EPB41L5: variants seen among roughly 807,000 people sequenced by gnomAD.
The protein encoded by EPB41L5 is band 4.1-like protein 5.
In EPB41L5, 55 loss-of-function variants were observed where a neutral mutation model predicts 106.6. The observed-to-expected ratio is 0.52, with a 90% confidence interval of 0.42 to 0.65. The LOEUF is 0.65. Among genes scored for constraint, EPB41L5 ranks in the 30% least tolerant of loss-of-function variants. The pLI is 0.00. For synonymous variants in EPB41L5, 297 were observed against 306.7 expected, an observed-to-expected ratio of 0.97 and a Z score of 0.33; for missense variants, 871 against 882.1, an observed-to-expected ratio of 0.99 and a Z score of 0.16.
intron 16 of EPB41L5, among the ~76,000 whole-genome samples, chr2:120,120,925 G>T (rs1014662200): frequency 3.3e-5 from 5 of 152,176 alleles, no homozygotes; most frequent in Non-Finnish European, 7.3e-5. Flanking sequence ...AGACCAGCCC[G>T]GCCAACATGG....
rs778387632 is a variant in EPB41L5 at position 120,176,925 on chromosome 2, A to G, written c.*2018A>G. On this transcript the variant is annotated 3_prime_UTR_variant, in exon 25 of 25. Coordinates refer to ENST00000263713, the MANE Select transcript of EPB41L5 (RefSeq NM_020909.4). ...GACCTTTATGTCGTTGGATACCTGT[A>G]TTCTTGACAGTTAGAATATTGGTAG... is the stretch of plus-strand genomic sequence containing the variant. 6.6e-6 allele frequency: 1 copy of G among 152,246 alleles called. No homozygotes were observed. Among genetic ancestry groups the G allele is most frequent in the Non-Finnish European group, 1.5e-5 (1 of 68,038 alleles). The allele number at this position is 152,246 out of a possible 1,614,324, so 9.4% of individuals were successfully genotyped here.
At chr2:120,069,497 C>T (rs1290018048) in intron 3 of EPB41L5, among the ~76,000 whole-genome samples, 2 of 152,138 alleles carry the variant, frequency 1.3e-5, no homozygotes, top group Non-Finnish European at 2.9e-5. Context: ...GAACTCTCCA[C>T]CCCAGATCAG....
intron 20 of EPB41L5, among the ~76,000 whole-genome samples, chr2:120,151,116 C>T (rs1447086831): frequency 6.6e-6 from 1 of 151,858 alleles, no homozygotes; most frequent in Non-Finnish European, 1.5e-5. Flanking sequence ...TTCGAGACCA[C>T]CCTGGCTAAC....
At chr2:120,040,084 TATAC>T (rs1202056753) in intron 2 of EPB41L5, among the ~76,000 whole-genome samples, 17 of 147,482 alleles carry the variant, frequency 1.2e-4, no homozygotes, top group Middle Eastern at 3.6e-3. Flanking sequence ...TATATATATA[TATAC>T]GTATTTAAAT....
intron 24 of EPB41L5, among the ~76,000 whole-genome samples, chr2:120,170,188 A>G (rs1187984829): frequency 6.6e-6 from 1 of 152,252 alleles, no homozygotes; most frequent in African/African-American, 2.4e-5. Flanking sequence ...AACTACAACT[A>G]AAATGTAGCA....
chr2:120,037,803 CT>C (rs993855624), intron 2 of EPB41L5, among the ~76,000 whole-genome samples: 6 of 152,274 alleles, frequency 3.9e-5, no homozygotes, highest in Admixed American at 6.5e-5. Flanking sequence ...AAAAGACAGT[CT>C]TTTCAACAAA....
chr2:120,105,683 A>G, intron 16 of EPB41L5: 1 of 985,446 alleles, frequency 1.0e-6, no homozygotes, highest in Non-Finnish European at 1.2e-6. Context: ...TATCTTAAAT[A>G]GCCCGGCTCC....
chr2:120,165,028 T>G, intron 22 of EPB41L5, 118 bp downstream of exon 22: 2 of 751,138 alleles, frequency 2.7e-6, no homozygotes, highest in East Asian at 5.7e-5. Flanking sequence ...TGATAAGAGT[T>G]TATGTTTTAA....
intron 2 of EPB41L5, among the ~76,000 whole-genome samples, chr2:120,022,801 A>G (rs959641636): frequency 3.3e-5 from 5 of 152,174 alleles, no homozygotes; most frequent in Admixed American, 6.5e-5. Context: ...TCCCACTAAC[A>G]GTGTAAAAGC....
intron 18 of EPB41L5, among the ~76,000 whole-genome samples, chr2:120,142,737 A>C (rs538594153): frequency 6.6e-6 from 1 of 152,314 alleles, no homozygotes; most frequent in African/African-American, 2.4e-5. Flanking sequence ...AACTGTGTTT[A>C]TACAACAGGT....
chr2:120,160,670 CCTAT>C (rs1276629957), intron 20 of EPB41L5: 19 of 526,104 alleles, frequency 3.6e-5, no homozygotes, highest in African/African-American at 2.1e-4. Context: ...TCTGTTATTG[CCTAT>C]CTTTTTTATT....
chr2:120,050,032 C>T (rs938237800), intron 3 of EPB41L5, among the ~76,000 whole-genome samples: 4 of 152,202 alleles, frequency 2.6e-5, no homozygotes, highest in Admixed American at 1.3e-4. Context: ...CCAAGAGATC[C>T]ACTGTTAGTC....
intron 18 of EPB41L5, among the ~76,000 whole-genome samples, chr2:120,140,945 C>A (rs746988045): frequency 9.2e-5 from 14 of 152,024 alleles, no homozygotes; most frequent in Non-Finnish European, 1.8e-4. Flanking sequence ...AAATAAAATA[C>A]GTCATTCTAA....
intron 3 of EPB41L5, among the ~76,000 whole-genome samples, chr2:120,046,069 G>C (rs1239766668): frequency 6.6e-6 from 1 of 151,826 alleles, no homozygotes; most frequent in Non-Finnish European, 1.5e-5. Flanking sequence ...GATGGGGTTT[G>C]GGTTGGTTCC....
intron 16 of EPB41L5, among the ~76,000 whole-genome samples, chr2:120,126,800 T>G (rs546776436): frequency 6.6e-6 from 1 of 152,300 alleles, no homozygotes; most frequent in East Asian, 1.9e-4. Context: ...GGCTGGTCAA[T>G]TCTACAAAAA....
chr2:120,137,226 G>A (rs1227274426), intron 18 of EPB41L5, among the ~76,000 whole-genome samples: 1 of 151,926 alleles, frequency 6.6e-6, no homozygotes, highest in East Asian at 1.9e-4. Flanking sequence ...GCAGTACTGA[G>A]GAAAGTTTAT....
chr2:120,017,890 G>A (rs1018409804), intron 1 of EPB41L5, among the ~76,000 whole-genome samples: 3 of 152,026 alleles, frequency 2.0e-5, no homozygotes, highest in Non-Finnish European at 2.9e-5. Context: ...TCCGCCTCCC[G>A]GGTTCACGCC....
chr2:120,112,963 C>G (rs1426256156), intron 16 of EPB41L5, among the ~76,000 whole-genome samples: 2 of 152,148 alleles, frequency 1.3e-5, no homozygotes, highest in Admixed American at 1.3e-4. Context: ...TGTACTGCCT[C>G]CATAACTCTG....
At chr2:120,110,136 C>T (rs1456853710) in intron 16 of EPB41L5, among the ~76,000 whole-genome samples, 1 of 152,168 alleles carries the variant, frequency 6.6e-6, no homozygotes, top group African/African-American at 2.4e-5. Flanking sequence ...TCACAAATGA[C>T]CTGCATATTT....
Sources: allele counts gnomAD v4.1 joint callset (sites outside exome capture counted in the v4.1 genomes callset), GRCh38; gene constraint gnomAD v4.1.1; transcripts MANE v1.5; gene names NCBI Gene and HGNC (gene_info 2026-07-23, HGNC 2026-07-21).